The following ZFPM2 variants were observed in gnomAD, a reference collection of about 807,000 sequenced individuals.
The protein encoded by ZFPM2 is zinc finger protein, FOG family member 2, also known as zinc finger protein ZFPM2.
Under a neutral mutation model 98.6 loss-of-function variants are expected in ZFPM2, and 20 were observed. That is an observed-to-expected ratio of 0.20 (90% CI 0.14 to 0.29). The LOEUF (loss-of-function observed/expected upper bound fraction) is 0.29, where lower values mean the gene tolerates loss of function less well. ZFPM2 is among the 10% of genes least tolerant of loss of function. The pLI is 1.00. For synonymous variants in ZFPM2, 518 were observed against 502.7 expected, an observed-to-expected ratio of 1.03 and a Z score of -0.41; for missense variants, 1,310 against 1,388.6, an observed-to-expected ratio of 0.94 and a Z score of 0.90.
intron 4 of ZFPM2, 86 bp downstream of exon 4, chr8:105,561,567 C>T: frequency 9.6e-7 from 1 of 1,045,412 alleles, no homozygotes. Flanking sequence ...TGCTTGCTTT[C>T]CAATGAAATC....
At chr8:105,751,883 C>T (rs1812485327) in intron 5 of ZFPM2, among the ~76,000 whole-genome samples, 1 of 151,638 alleles carries the variant, frequency 6.6e-6, no homozygotes, top group South Asian at 2.1e-4. Context: ...AAATGGTTTG[C>T]CTTAATGATC....
chr8:105,366,124 G>A (rs1299035301), intron 1 of ZFPM2, among the ~76,000 whole-genome samples: 1 of 152,186 alleles, frequency 6.6e-6, no homozygotes, highest in Non-Finnish European at 1.5e-5. Context: ...GAGTGTTCAT[G>A]CTAATTCCGA....
intron 2 of ZFPM2, 71 bp from the exon 3 acceptor site, chr8:105,444,209 T>A: frequency 1.7e-6 from 2 of 1,190,356 alleles, no homozygotes; most frequent in Non-Finnish European, 2.4e-6. Flanking sequence ...GGACATCCCT[T>A]TATGAGGGTG....
chr8:105,606,160 G>A (rs1325192524), intron 4 of ZFPM2, among the ~76,000 whole-genome samples: 1 of 151,988 alleles, frequency 6.6e-6, no homozygotes, highest in Non-Finnish European at 1.5e-5. Flanking sequence ...TGTTTATTGT[G>A]TTTGTGTGTA....
intron 5 of ZFPM2, among the ~76,000 whole-genome samples, chr8:105,670,277 A>G (rs576200401): frequency 6.6e-6 from 1 of 152,100 alleles, no homozygotes; most frequent in African/African-American, 2.4e-5. Context: ...CGGGCGGGTC[A>G]CAAGGTCACG....
intron 5 of ZFPM2, among the ~76,000 whole-genome samples, chr8:105,724,293 A>C (rs1811753252): frequency 6.6e-6 from 1 of 151,880 alleles, no homozygotes; most frequent in East Asian, 1.9e-4. Context: ...AGATTCAGTC[A>C]TCCTGAAATA....
chr8:105,567,539 A>T (rs1268085579), intron 4 of ZFPM2, among the ~76,000 whole-genome samples: 2 of 151,940 alleles, frequency 1.3e-5, no homozygotes, highest in African/African-American at 4.9e-5. Context: ...ACTTCGCCAC[A>T]ACCTTACTGG....
intron 4 of ZFPM2, among the ~76,000 whole-genome samples, chr8:105,574,671 T>C (rs1381441426): frequency 1.3e-5 from 2 of 151,976 alleles, no homozygotes; most frequent in African/African-American, 2.4e-5. Context: ...CCTTAAGTTT[T>C]AGCTTTTATT....
At position 105,690,696 on chromosome 8, in the gene ZFPM2, G is replaced by A. The variant is rs116688582; in HGVS notation, c.532+56339G>A. Among the ~76,000 whole-genome samples, 391 of 152,054 alleles carry A rather than the reference G, an allele frequency of 2.6e-3. 1 individual carries two copies. Among genetic ancestry groups the A allele is most frequent in the African/African-American group, 8.4e-3 (350 of 41,456 alleles). ...AATATCTCTCATAATAACTCACACC[G>A]CAAATCCCCAGGGTTATGTCTTTTA... is the stretch of plus-strand genomic sequence containing the variant. On this transcript the variant is annotated intron_variant, in intron 5 of 7. Coordinates refer to ENST00000407775, the MANE Select transcript of ZFPM2 (RefSeq NM_012082.4).
rs1563660062 is a variant in ZFPM2, at chr8:105,441,478, G to GAAAGAAAGAAAA, written c.200-2791_200-2790insAAAAGAAAGAAA. 7.0e-5 allele frequency among the ~76,000 whole-genome samples: 5 copies of GAAAGAAAGAAAA among 71,582 alleles called. No homozygotes were observed. In the East Asian group the frequency reaches 9.6e-4, roughly 14 times the overall value. 47.0% of individuals were successfully genotyped at this position (71,582 alleles called of 152,430 possible). On this transcript the variant is annotated intron_variant, in intron 2 of 7. Coordinates refer to ENST00000407775, the MANE Select transcript of ZFPM2 (RefSeq NM_012082.4). ...AGAAAGAAAGAAAGAAAGAAAGAAA[G>GAAAGAAAGAAAA]AAAGAAAGAAAGAAAGAAAGAAATC...
At chr8:105,326,686 T>C (rs1563604740) in intron 1 of ZFPM2, among the ~76,000 whole-genome samples, 1 of 151,700 alleles carries the variant, frequency 6.6e-6, no homozygotes, top group Non-Finnish European at 1.5e-5. Context: ...AAGTAGACTT[T>C]CATGTCATCT....
intron 1 of ZFPM2, among the ~76,000 whole-genome samples, chr8:105,333,966 C>T (rs1195849818): frequency 2.0e-5 from 3 of 151,518 alleles, no homozygotes; most frequent in East Asian, 1.9e-4. Context: ...TCTTTTTTCA[C>T]TGTATGCCTC....
At chr8:105,484,397 G>T (rs115775610) in intron 3 of ZFPM2, among the ~76,000 whole-genome samples, 5,011 of 151,802 alleles carry the variant, frequency 0.033, 277 homozygotes, top group African/African-American at 0.12. Context: ...TTTATTTCTA[G>T]AAATTTTATT....
chr8:105,370,378 A>T (rs1810595017), intron 1 of ZFPM2, among the ~76,000 whole-genome samples: 1 of 152,224 alleles, frequency 6.6e-6, no homozygotes, highest in Admixed American at 6.5e-5. Context: ...CCTTTCCCAA[A>T]TTGTGACGTA....
At chr8:105,342,589 A>G (rs1812450064) in intron 1 of ZFPM2, among the ~76,000 whole-genome samples, 1 of 152,036 alleles carries the variant, frequency 6.6e-6, no homozygotes, top group Non-Finnish European at 1.5e-5. Context: ...TAAGACAGCC[A>G]CAGAGAAAAG....
At chr8:105,796,465 T>TTAAC (rs1354951935) in intron 6 of ZFPM2, among the ~76,000 whole-genome samples, 1 of 152,190 alleles carries the variant, frequency 6.6e-6, no homozygotes, top group African/African-American at 2.4e-5. Flanking sequence ...GTAAATGAAA[T>TTAAC]TAACTTGGAA....
chr8:105,370,854 G>T (rs1227441929), intron 1 of ZFPM2, among the ~76,000 whole-genome samples: 1 of 152,230 alleles, frequency 6.6e-6, no homozygotes, highest in East Asian at 1.9e-4. Context: ...TCTGGGATTT[G>T]AACGCAACTT....
At chr8:105,373,992 A>G (rs1449290344) in intron 1 of ZFPM2, among the ~76,000 whole-genome samples, 1 of 152,206 alleles carries the variant, frequency 6.6e-6, no homozygotes, top group East Asian at 1.9e-4. Context: ...GATATTGTGT[A>G]CAAAAAATAA....
chr8:105,572,980 G>A (rs1815390192), intron 4 of ZFPM2, among the ~76,000 whole-genome samples: 1 of 152,076 alleles, frequency 6.6e-6, no homozygotes, highest in African/African-American at 2.4e-5. Flanking sequence ...ATACACTTTA[G>A]TTCCTTTTCT....
Sources: gnomAD v4.1 joint callset for allele counts (sites outside exome capture counted in the v4.1 genomes callset) on GRCh38, gnomAD v4.1.1 for gene constraint, MANE v1.5 for transcripts, NCBI Gene and HGNC (gene_info 2026-07-23, HGNC 2026-07-21) for gene names.